SYN3: variants seen among roughly 807,000 people sequenced by gnomAD.
The protein encoded by SYN3 is synapsin-3.
SYN3 carries 35 observed loss-of-function variants against 65.8 expected under a neutral mutation model. The observed-to-expected ratio is 0.53, with a 90% CI of 0.41 to 0.70. The LOEUF (loss-of-function observed/expected upper bound fraction) is 0.70, where lower values mean the gene tolerates loss of function less well. Among genes scored for constraint, SYN3 ranks in the 30% least tolerant of loss-of-function variants. The pLI, the probability that SYN3 is intolerant of heterozygous loss-of-function variation, is 0.00. For synonymous variants in SYN3, 270 were observed against 292.9 expected (o/e 0.92, Z 0.80); for missense variants, 680 against 749.0 (o/e 0.91, Z 1.08).
chr22:32,781,206 G>T (rs16991182), intron 6 of SYN3, among the ~76,000 whole-genome samples: 2,468 of 152,062 alleles, frequency 0.016, 38 homozygotes, highest in Middle Eastern at 0.045. Flanking sequence ...TCTTGTCCAA[G>T]GTTCCACAGA....
At chr22:32,548,134 G>A (rs2058360749) in intron 7 of SYN3, among the ~76,000 whole-genome samples, 1 of 152,172 alleles carries the variant, frequency 6.6e-6, no homozygotes, top group African/African-American at 2.4e-5. Flanking sequence ...CAGACCCCAG[G>A]TGTGGTTTCA....
chr22:32,711,725 A>G (rs546655135), intron 6 of SYN3, among the ~76,000 whole-genome samples: 1 of 152,332 alleles, frequency 6.6e-6, no homozygotes, highest in African/African-American at 2.4e-5. Context: ...GGTATCATCC[A>G]TCACTTTCAC....
chr22:32,970,482 G>GAAA (rs59641890), intron 3 of SYN3, among the ~76,000 whole-genome samples: 1 of 96,332 alleles, frequency 1.0e-5, no homozygotes, highest in Non-Finnish European at 2.1e-5. Context: ...TCTCTATTTG[G>GAAA]AAAAAAAAAA....
intron 6 of SYN3, among the ~76,000 whole-genome samples, chr22:32,685,039 T>C (rs1195003467): frequency 1.3e-5 from 2 of 152,142 alleles, no homozygotes; most frequent in Non-Finnish European, 2.9e-5. Context: ...CCATGCCCCA[T>C]TGTTTATATA....
At position 33,015,836 on chromosome 22, in the gene SYN3, T is replaced by A. The variant is rs966295403; in HGVS notation, c.-162-9012A>T. ...ACATACTGAACATTTAATAGGCAAA[T>A]TTTCTTTTCTTTTTTTTTTTTTTTA... is the stretch of plus-strand genomic sequence containing the variant. On this transcript the variant is annotated intron_variant, in intron 1 of 13. Coordinates refer to ENST00000358763, the MANE Select transcript of SYN3 (RefSeq NM_003490.4). 5.1e-5 allele frequency among the ~76,000 whole-genome samples: 7 copies of A among 137,374 alleles called. 1 individual carries two copies. The highest frequency in any genetic ancestry group is 4.3e-4 in the East Asian group (2 of 4,636). 90.1% of individuals were successfully genotyped at this position (137,374 alleles called of 152,430 possible).
intron 6 of SYN3, among the ~76,000 whole-genome samples, chr22:32,734,863 A>G (rs2061317920): frequency 6.6e-6 from 1 of 152,138 alleles, no homozygotes; most frequent in African/African-American, 2.4e-5. Context: ...GACTCTCCCC[A>G]ATTCAATGTT....
intron 6 of SYN3, among the ~76,000 whole-genome samples, chr22:32,650,950 T>A (rs2060061490): frequency 6.6e-6 from 1 of 152,102 alleles, no homozygotes; most frequent in Non-Finnish European, 1.5e-5. Context: ...GAGAGGAAAG[T>A]CTTTGTGGGG....
At chr22:32,799,242 T>C (rs2046504076) in intron 6 of SYN3, among the ~76,000 whole-genome samples, 1 of 152,154 alleles carries the variant, frequency 6.6e-6, no homozygotes, top group African/African-American at 2.4e-5. Flanking sequence ...TGACTCAGGT[T>C]TGGAATAAGA....
chr22:32,677,810 A>C (rs1018363089), intron 6 of SYN3, among the ~76,000 whole-genome samples: 3 of 146,384 alleles, frequency 2.0e-5, no homozygotes, highest in African/African-American at 7.3e-5. Context: ...CGGAAAAAAA[A>C]AATAATCATA....
intron 7 of SYN3, among the ~76,000 whole-genome samples, chr22:32,549,634 C>T (rs1424017409): frequency 6.6e-6 from 1 of 152,190 alleles, no homozygotes; most frequent in Non-Finnish European, 1.5e-5. Context: ...TGCGCAGGCT[C>T]ACGCCTGTAA....
Position 32,829,266 on chromosome 22 carries a change from C to T in SYN3, c.711+35649G>A, listed in dbSNP as rs138265346. Among the ~76,000 whole-genome samples the T allele has an allele frequency of 2.7e-3, 404 of 152,320 alleles. 1 individual carries two copies. The highest frequency in any genetic ancestry group is 8.9e-3 in the African/African-American group (370 of 41,568). On this transcript the variant is annotated intron_variant, in intron 6 of 13. Coordinates refer to ENST00000358763, the MANE Select transcript of SYN3 (RefSeq NM_003490.4). ...GATCTAAACCCTCCTTTCGTGATCA[C>T]GCCTGGTGGCTCAAAGAATTGCTCC...
chr22:32,577,544 T>C lies in SYN3; in HGVS notation c.774+19130A>G, dbSNP rs189539131. ...GTTTTTTTGATAAATGAAAATATCA[T>C]TGGAGATTTGTCCTCCATCATGACT... On this transcript the variant is annotated intron_variant, in intron 7 of 13. Transcript: ENST00000358763. Among the ~76,000 whole-genome samples the C allele has an allele frequency of 3.0e-3, 454 of 152,354 alleles. 3 individuals carry two copies. The highest frequency in any genetic ancestry group is 0.014 in the South Asian group (66 of 4,830).
intron 6 of SYN3, among the ~76,000 whole-genome samples, chr22:32,756,677 A>C (rs1028576131): frequency 6.6e-6 from 1 of 152,084 alleles, no homozygotes; most frequent in African/African-American, 2.4e-5. Context: ...CTGGTTGTTC[A>C]AAAGTGTGTG....
intron 6 of SYN3, among the ~76,000 whole-genome samples, chr22:32,782,835 C>T (rs1247060505): frequency 6.6e-6 from 1 of 152,170 alleles, no homozygotes; most frequent in African/African-American, 2.4e-5. Context: ...GTAATTGTAG[C>T]AGAGGATTTG....
At position 33,013,143 on chromosome 22, in the gene SYN3, C is replaced by G. The variant is rs1323512776; in HGVS notation, c.-162-6319G>C. ...TCTTCAGGAACTCTGGTCAACCTTC[C>G]ATTGATATGAATTCCCTGACTTTGA... is the stretch of plus-strand genomic sequence containing the variant. On this transcript the variant is annotated intron_variant, in intron 1 of 13. Coordinates refer to ENST00000358763, the MANE Select transcript of SYN3 (RefSeq NM_003490.4). Among the ~76,000 whole-genome samples the G allele has an allele frequency of 2.0e-5, 3 of 152,094 alleles. No individual in the cohort carries two copies. The East Asian group carries it at 5.8e-4, about 29-fold the overall frequency.
At chr22:32,553,363 A>G (rs907732380) in intron 7 of SYN3, among the ~76,000 whole-genome samples, 1 of 152,242 alleles carries the variant, frequency 6.6e-6, no homozygotes, top group Non-Finnish European at 1.5e-5. Context: ...TGAAAAAATT[A>G]TATACAGACA....
intron 6 of SYN3, among the ~76,000 whole-genome samples, chr22:32,772,004 G>C (rs2045783543): frequency 2.0e-5 from 3 of 152,098 alleles, no homozygotes; most frequent in Admixed American, 6.5e-5. Flanking sequence ...GTGTGCATGA[G>C]GCTGCACTAG....
chr22:32,904,528 G>T (rs1285459364), intron 4 of SYN3, among the ~76,000 whole-genome samples: 5 of 146,684 alleles, frequency 3.4e-5, no homozygotes, highest in South Asian at 2.2e-4. Context: ...CAAGTTTTTT[G>T]TTTTTTTTTT....
chr22:32,718,810 T>C (rs927554922), intron 6 of SYN3, among the ~76,000 whole-genome samples: 3 of 152,224 alleles, frequency 2.0e-5, no homozygotes, highest in Non-Finnish European at 4.4e-5. Flanking sequence ...GATCACACCC[T>C]TACAGGTCTC....
Sources: allele counts gnomAD v4.1 joint callset (sites outside exome capture counted in the v4.1 genomes callset), GRCh38; gene constraint gnomAD v4.1.1; transcripts MANE v1.5; gene names NCBI Gene and HGNC (gene_info 2026-07-23, HGNC 2026-07-21).